FHIT: variants seen among roughly 807,000 people sequenced by gnomAD.
The protein encoded by FHIT is fragile histidine triad diadenosine triphosphatase.
In FHIT, 19 loss-of-function variants were observed where a neutral mutation model predicts 17.9. That is an observed-to-expected ratio of 1.06 (90% CI 0.74 to 1.56). The LOEUF is 1.56. Among genes scored for constraint, FHIT ranks in the 40% most tolerant of loss-of-function variants. The pLI, the probability that FHIT is intolerant of heterozygous loss-of-function variation, is 0.00. For synonymous variants in FHIT, 81 were observed against 69.7 expected (o/e 1.16, Z -0.81); for missense variants, 248 against 189.2 (o/e 1.31, Z -1.82).
At chr3:60,241,452 GA>G (rs935317138) in intron 5 of FHIT, among the ~76,000 whole-genome samples, 5 of 151,972 alleles carry the variant, frequency 3.3e-5, no homozygotes, top group South Asian at 2.1e-4. Flanking sequence ...TCATGAGTAT[GA>G]AAAAAATATT....
chr3:60,308,876 A>G (rs1708808755), intron 5 of FHIT, among the ~76,000 whole-genome samples: 1 of 152,152 alleles, frequency 6.6e-6, no homozygotes, highest in African/African-American at 2.4e-5. Flanking sequence ...AGAGTATTTA[A>G]TCACTAACTG....
At chr3:60,729,894 G>C (rs782490271) in intron 4 of FHIT, among the ~76,000 whole-genome samples, 87 of 152,052 alleles carry the variant, frequency 5.7e-4, no homozygotes, top group Non-Finnish European at 2.1e-4. Flanking sequence ...TCCTAAAAAG[G>C]TGTTTTCTTC....
At chr3:60,723,544 T>C (rs150303925) in intron 4 of FHIT, among the ~76,000 whole-genome samples, 2 of 152,304 alleles carry the variant, frequency 1.3e-5, no homozygotes, top group African/African-American at 2.4e-5. Flanking sequence ...AGTGCCCTAG[T>C]AGGCAACACT....
chr3:59,834,420 GAGAGAGAC>G (rs968093028), intron 8 of FHIT, among the ~76,000 whole-genome samples: 1 of 152,176 alleles, frequency 6.6e-6, no homozygotes, highest in Non-Finnish European at 1.5e-5. Context: ...ATGATAGAGA[GAGAGAGAC>G]AGAGAGACAG....
intron 2 of FHIT, among the ~76,000 whole-genome samples, chr3:61,181,120 G>A (rs912511256): frequency 6.6e-6 from 1 of 152,022 alleles, no homozygotes; most frequent in Non-Finnish European, 1.5e-5. Flanking sequence ...CACATATTGG[G>A]GACATGAGAA....
At chr3:61,172,789 G>A (rs1479811614) in intron 2 of FHIT, among the ~76,000 whole-genome samples, 2 of 143,810 alleles carry the variant, frequency 1.4e-5, no homozygotes, top group Non-Finnish European at 3.1e-5. Flanking sequence ...CACAACCCCT[G>A]AGAGCCCCCA....
chr3:59,943,783 G>A (rs1330785448), intron 7 of FHIT, among the ~76,000 whole-genome samples: 1 of 152,168 alleles, frequency 6.6e-6, no homozygotes, highest in Non-Finnish European at 1.5e-5. Flanking sequence ...ATCCCTGAAA[G>A]CCAAAGGCAG....
At chr3:60,283,800 G>A (rs555020690) in intron 5 of FHIT, among the ~76,000 whole-genome samples, 30 of 148,676 alleles carry the variant, frequency 2.0e-4, no homozygotes, top group African/African-American at 7.4e-4. Flanking sequence ...AAGAGGTTGA[G>A]AAGAGTGCAC....
At chr3:60,106,250 GC>G (rs1358782387) in intron 5 of FHIT, among the ~76,000 whole-genome samples, 1 of 152,168 alleles carries the variant, frequency 6.6e-6, no homozygotes, top group Non-Finnish European at 1.5e-5. Flanking sequence ...ATTTGGATAT[GC>G]CAAGGAAAAG....
At chr3:61,100,332 T>C (rs578172792) in intron 2 of FHIT, among the ~76,000 whole-genome samples, 3 of 152,296 alleles carry the variant, frequency 2.0e-5, no homozygotes, top group African/African-American at 7.2e-5. Context: ...GTCCTTGTAA[T>C]AGTTTGCTGA....
chr3:61,060,494 G>A (rs1016550345), intron 2 of FHIT, among the ~76,000 whole-genome samples: 5 of 152,224 alleles, frequency 3.3e-5, no homozygotes, highest in South Asian at 2.1e-4. Flanking sequence ...AAAAAGCACA[G>A]AGGGAAACTC....
chr3:60,619,600 CAAAAAAAAAAA>C (rs57198487), intron 4 of FHIT, among the ~76,000 whole-genome samples: 12 of 88,676 alleles, frequency 1.4e-4, no homozygotes, highest in Non-Finnish European at 1.8e-4. Flanking sequence ...TACCCACATG[CAAAAAAAAAAA>C]AAAAAAAAAA....
intron 3 of FHIT, among the ~76,000 whole-genome samples, chr3:61,004,959 T>C (rs1451042857): frequency 6.6e-6 from 1 of 152,162 alleles, no homozygotes; most frequent in Non-Finnish European, 1.5e-5. Context: ...CAATTCAATA[T>C]AGCAATTATC....
intron 5 of FHIT, among the ~76,000 whole-genome samples, chr3:60,388,080 A>G (rs1010417027): frequency 2.0e-5 from 3 of 152,178 alleles, no homozygotes; most frequent in African/African-American, 7.2e-5. Context: ...TATTGTTGCT[A>G]TGCTTCTTGT....
chr3:61,167,626 C>T (rs1457858278), intron 2 of FHIT, among the ~76,000 whole-genome samples: 1 of 49,108 alleles, frequency 2.0e-5, no homozygotes, highest in East Asian at 9.1e-4. Context: ...GAAACTGTGT[C>T]TCAAAAAAAA....
intron 4 of FHIT, among the ~76,000 whole-genome samples, chr3:60,602,370 A>G (rs782476119): frequency 2.6e-5 from 4 of 152,210 alleles, no homozygotes; most frequent in African/African-American, 4.8e-5. Context: ...CCATGGAGCA[A>G]TGTCTAAACT....
At chr3:60,952,034 C>T (rs1250556715) in intron 3 of FHIT, among the ~76,000 whole-genome samples, 10 of 151,884 alleles carry the variant, frequency 6.6e-5, no homozygotes, top group Admixed American at 3.3e-4. Flanking sequence ...GGCATGGTGG[C>T]GGGCACCTGT....
intron 3 of FHIT, among the ~76,000 whole-genome samples, chr3:60,922,188 G>A (rs530956018): frequency 6.6e-6 from 1 of 152,164 alleles, no homozygotes; most frequent in Non-Finnish European, 1.5e-5. Context: ...GAATTTTTGT[G>A]GGGATGCAGC....
At chr3:60,937,296 C>A (rs1287253261) in intron 3 of FHIT, among the ~76,000 whole-genome samples, 1 of 152,182 alleles carries the variant, frequency 6.6e-6, no homozygotes, top group Non-Finnish European at 1.5e-5. Context: ...TGGTCAGTAA[C>A]TTTTGCCTAC....
Sources: allele counts gnomAD v4.1 joint callset (sites outside exome capture counted in the v4.1 genomes callset), GRCh38; gene constraint gnomAD v4.1.1; transcripts MANE v1.5; gene names NCBI Gene and HGNC (gene_info 2026-07-23, HGNC 2026-07-21).